DLG2: variants seen among roughly 807,000 people sequenced by gnomAD.
The protein encoded by DLG2 is disks large homolog 2.
In DLG2, 45 loss-of-function variants were observed where a neutral mutation model predicts 132.5. The ratio of observed to expected loss-of-function variants is 0.34; its 90% confidence interval spans 0.27 to 0.44. The LOEUF is 0.44. Among genes scored for constraint, DLG2 ranks in the 20% least tolerant of loss-of-function variants. The pLI is 1.00. For missense variants in DLG2, 1,045 were observed against 1,196.9 expected, an observed-to-expected ratio of 0.87 and a Z score of 1.87; for synonymous variants, 424 against 419.6, an observed-to-expected ratio of 1.01 and a Z score of -0.13.
chr11:83,919,949 A>T (rs2077556386), intron 15 of DLG2, among the ~76,000 whole-genome samples: 1 of 152,202 alleles, frequency 6.6e-6, no homozygotes, highest in Non-Finnish European at 1.5e-5. Context: ...ATCCATCTTC[A>T]TTTGGGTCAA....
At chr11:84,664,989 A>G (rs925473577) in intron 6 of DLG2, among the ~76,000 whole-genome samples, 7 of 152,066 alleles carry the variant, frequency 4.6e-5, no homozygotes, top group African/African-American at 1.7e-4. Flanking sequence ...AAGTAGGAGA[A>G]GTACCATGAG....
intron 3 of DLG2, among the ~76,000 whole-genome samples, chr11:85,400,069 T>A (rs1265018522): frequency 6.6e-6 from 1 of 151,494 alleles, no homozygotes; most frequent in African/African-American, 2.4e-5. Flanking sequence ...TACAAAGAAC[T>A]CAAACAAATT....
chr11:85,184,798 A>G (rs1169571073), intron 4 of DLG2, among the ~76,000 whole-genome samples: 1 of 151,926 alleles, frequency 6.6e-6, no homozygotes, highest in Non-Finnish European at 1.5e-5. Context: ...AAATAAAAGC[A>G]AGTTACCAGT....
At chr11:85,137,432 G>A (rs148145449) in intron 5 of DLG2, among the ~76,000 whole-genome samples, 157 of 152,220 alleles carry the variant, frequency 1.0e-3, no homozygotes, top group African/African-American at 3.7e-3. Flanking sequence ...AACACAGAGA[G>A]TGGTCTATGT....
At chr11:83,469,162 CCTT>C (rs2091648227) in intron 25 of DLG2, 36 bp downstream of exon 25, 15 of 1,448,380 alleles carry the variant, frequency 1.0e-5, no homozygotes, top group East Asian at 2.5e-5. Context: ...AACCTAGAAA[CCTT>C]CTTCAGGGGA....
intron 7 of DLG2, among the ~76,000 whole-genome samples, chr11:84,312,928 G>C (rs879719355): frequency 6.6e-6 from 1 of 151,944 alleles, no homozygotes; most frequent in Non-Finnish European, 1.5e-5. Context: ...TCCTGCCTCA[G>C]CCTCCCCAGT....
intron 11 of DLG2, among the ~76,000 whole-genome samples, chr11:83,991,871 C>A (rs1362222734): frequency 6.6e-6 from 1 of 152,114 alleles, no homozygotes; most frequent in Non-Finnish European, 1.5e-5. Flanking sequence ...GAAAGAAGTT[C>A]TTTGCAGATG....
intron 6 of DLG2, among the ~76,000 whole-genome samples, chr11:84,830,547 A>G (rs2078902417): frequency 6.6e-6 from 1 of 151,576 alleles, no homozygotes; most frequent in South Asian, 2.1e-4. Flanking sequence ...AGGCAAAACA[A>G]AAGCCTTCCC....
chr11:85,460,066 A>G (rs955966869), intron 3 of DLG2, among the ~76,000 whole-genome samples: 2 of 152,196 alleles, frequency 1.3e-5, no homozygotes, highest in Non-Finnish European at 2.9e-5. Context: ...AGGGAAGTGC[A>G]GAGCTGCTAC....
chr11:85,056,097 T>C (rs572896161), intron 6 of DLG2, among the ~76,000 whole-genome samples: 4 of 152,052 alleles, frequency 2.6e-5, no homozygotes, highest in Admixed American at 2.6e-4. Context: ...AAATCAGCTA[T>C]CCAAGAAATA....
At chr11:83,937,507 CAAAAAA>C (rs11313794) in intron 14 of DLG2, among the ~76,000 whole-genome samples, 11 of 73,782 alleles carry the variant, frequency 1.5e-4, no homozygotes, top group African/African-American at 5.1e-4. Flanking sequence ...GACTCCATCT[CAAAAAA>C]AAAAAAAAAA....
chr11:84,625,109 C>T (rs565192477), intron 6 of DLG2, among the ~76,000 whole-genome samples: 1 of 151,824 alleles, frequency 6.6e-6, no homozygotes, highest in Non-Finnish European at 1.5e-5. Context: ...ATCCGCCCGC[C>T]TCGGCCTCCC....
At chr11:84,600,059 C>T (rs1228280119) in intron 6 of DLG2, among the ~76,000 whole-genome samples, 3 of 143,538 alleles carry the variant, frequency 2.1e-5, no homozygotes, top group African/African-American at 7.9e-5. Flanking sequence ...CCACTGCATT[C>T]CAGCCTGGGC....
At chr11:85,280,241 T>C (rs2078145008) in intron 4 of DLG2, among the ~76,000 whole-genome samples, 1 of 152,062 alleles carries the variant, frequency 6.6e-6, no homozygotes, top group Non-Finnish European at 1.5e-5. Flanking sequence ...ATATAAGTGC[T>C]CTTTATGGAC....
chr11:85,179,389 T>G (rs1231197617), intron 4 of DLG2, among the ~76,000 whole-genome samples: 2 of 151,776 alleles, frequency 1.3e-5, no homozygotes, highest in Admixed American at 6.6e-5. Flanking sequence ...AGCAAATAAA[T>G]AAATAAAATA....
chr11:84,103,509 C>A (rs562969025), intron 9 of DLG2, among the ~76,000 whole-genome samples: 2 of 152,248 alleles, frequency 1.3e-5, no homozygotes, highest in South Asian at 2.1e-4. Flanking sequence ...TAAGGGCAGA[C>A]CCTGTAAAGG....
intron 3 of DLG2, among the ~76,000 whole-genome samples, chr11:85,464,800 C>T (rs1220972081): frequency 2.0e-5 from 3 of 151,716 alleles, no homozygotes; most frequent in South Asian, 2.1e-4. Context: ...TGAGGCCAGG[C>T]GCGGTGGCTC....
At chr11:83,464,362 C>T (rs1217122861) in intron 26 of DLG2, among the ~76,000 whole-genome samples, 1 of 152,206 alleles carries the variant, frequency 6.6e-6, no homozygotes, top group Admixed American at 6.5e-5. Context: ...AATGTGACAG[C>T]TGTCATGCTT....
intron 6 of DLG2, among the ~76,000 whole-genome samples, chr11:84,960,445 T>C (rs2052382675): frequency 6.6e-6 from 1 of 151,968 alleles, no homozygotes; most frequent in South Asian, 2.1e-4. Context: ...TTAACTTTTT[T>C]TTTTTTTTGA....
Sources: gnomAD v4.1 joint callset for allele counts (sites outside exome capture counted in the v4.1 genomes callset) on GRCh38, gnomAD v4.1.1 for gene constraint, MANE v1.5 for transcripts, NCBI Gene and HGNC (gene_info 2026-07-23, HGNC 2026-07-21) for gene names.